LUC7L3: variants seen among roughly 807,000 people sequenced by gnomAD.
The protein encoded by LUC7L3 is LUC7 like 3 pre-mRNA splicing factor, also known as luc7-like protein 3.
In LUC7L3, 6 loss-of-function variants were observed where a neutral mutation model predicts 66.8. The ratio of observed to expected loss-of-function variants is 0.09; its 90% CI spans 0.05 to 0.18. The LOEUF is 0.18. Ranked by LOEUF, LUC7L3 falls within the 10% of genes least tolerant of loss-of-function variation. The pLI, the probability that LUC7L3 is intolerant of heterozygous loss-of-function variation, is 1.00. For missense variants in LUC7L3, 341 were observed against 531.1 expected, an observed-to-expected ratio of 0.64 and a Z score of 3.52; for synonymous variants, 160 against 174.7, an observed-to-expected ratio of 0.92 and a Z score of 0.66.
At position 50,741,740 on chromosome 17, in the gene LUC7L3, TG is replaced by T; in HGVS notation, c.426+10del. The T allele has an allele frequency of 6.2e-7, 1 of 1,604,156 alleles. No individual in the cohort carries two copies. Among genetic ancestry groups the T allele is most frequent in the Non-Finnish European group, 8.5e-7 (1 of 1,171,600 alleles). The stretch of plus-strand genomic sequence containing the variant: ...ATGTACTTCTGCAACAGGTGAGAAT[TG>T]TGTGCATTAATGTCAGGAAGTAATG... On this transcript the variant is annotated intron_variant, in intron 5 of 9. Transcript: ENST00000505658.
At chr17:50,745,322 C>A (rs1377845277) in intron 7 of LUC7L3, among the ~76,000 whole-genome samples, 1 of 152,152 alleles carries the variant, frequency 6.6e-6, no homozygotes, top group Non-Finnish European at 1.5e-5. Context: ...TTAAAAAAAT[C>A]TATTTTAGCT....
intron 8 of LUC7L3, among the ~76,000 whole-genome samples, chr17:50,746,303 T>G (rs1258307743): frequency 6.6e-6 from 1 of 152,240 alleles, no homozygotes; most frequent in Non-Finnish European, 1.5e-5. Flanking sequence ...TCAGCCATAC[T>G]GTTTTAATTA....
In LUC7L3 at chr17:50,750,627, A is replaced by G. The variant is rs773038346; in HGVS notation, c.1265A>G (p.Asp422Gly). The change falls in exon 10 of 10, where the codon GAC (aspartate) becomes GGC (glycine). Residue 422 changes from aspartate (D) to glycine (G), a missense_variant. By Grantham distance (94) the Asp-to-Gly change is moderately conservative. Around this residue, in one of 6 missense-constraint regions of LUC7L3, gnomAD observed 210 missense variants for 238.1 expected, o/e 0.88. Transcript: ENST00000505658. ...AATGAGGTCAATGGGACCAGTGAAGACATTAAATCTGAAGGTGACACTCAG... is the reference window on the plus strand; with the variant it reads ...AATGAGGTCAATGGGACCAGTGAAGGCATTAAATCTGAAGGTGACACTCAG... Reference protein sequence around the residue: ...TKNEVNGTSEDIKSEGDTQSN With the variant: ...TKNEVNGTSEGIKSEGDTQSN The G allele has an allele frequency of 1.5e-5, 25 of 1,613,984 alleles. No homozygotes were observed. In the Admixed American group the frequency reaches 3.2e-4, roughly 20 times the overall value.
chr17:50,747,622 T>C (rs72839277), intron 9 of LUC7L3, among the ~76,000 whole-genome samples: 1 of 152,126 alleles, frequency 6.6e-6, no homozygotes, highest in African/African-American at 2.4e-5. Flanking sequence ...GTCTTTTGTG[T>C]GTTGTTTGTT....
At chr17:50,735,796 C>T (rs1969946662) in intron 1 of LUC7L3, among the ~76,000 whole-genome samples, 1 of 152,248 alleles carries the variant, frequency 6.6e-6, no homozygotes, top group Admixed American at 6.5e-5. Flanking sequence ...CCATGCCTGA[C>T]CAACGCTGCC....
intron 2 of LUC7L3, among the ~76,000 whole-genome samples, chr17:50,739,172 C>T (rs1250820569): frequency 1.3e-5 from 2 of 152,052 alleles, no homozygotes; most frequent in Non-Finnish European, 1.5e-5. Flanking sequence ...TCATCTACTA[C>T]AGAGCAGAAA....
chr17:50,743,893 CTG>C, intron 6 of LUC7L3, 83 bp downstream of exon 6: 1 of 1,018,692 alleles, frequency 9.8e-7, no homozygotes, highest in East Asian at 2.4e-5. Flanking sequence ...CCTTTGAAAA[CTG>C]ATGTTCCAAA....
intron 2 of LUC7L3, chr17:50,738,260 A>T: frequency 2.7e-6 from 1 of 370,634 alleles, no homozygotes; most frequent in South Asian, 2.1e-5. Context: ...CCTATGATAA[A>T]GCCCATTCAT....
At chr17:50,735,717 C>G (rs1009958769) in intron 1 of LUC7L3, among the ~76,000 whole-genome samples, 8 of 152,112 alleles carry the variant, frequency 5.3e-5, no homozygotes, top group African/African-American at 1.9e-4. Context: ...AAGCCGGTCT[C>G]AAATTCCTGG....
chr17:50,732,860 C>T (rs1283250434), intron 1 of LUC7L3, among the ~76,000 whole-genome samples: 1 of 152,014 alleles, frequency 6.6e-6, no homozygotes, highest in African/African-American at 2.4e-5. Context: ...TCTCAACCTC[C>T]CAAAGTGCTG....
chr17:50,728,304 G>A (rs921806065), intron 1 of LUC7L3, among the ~76,000 whole-genome samples: 17 of 152,108 alleles, frequency 1.1e-4, no homozygotes, highest in African/African-American at 2.9e-4. Context: ...AAAGGTATAC[G>A]TAATAAAATT....
rs769318512 is a variant in LUC7L3, at chr17:50,719,706, T to C, written c.-27T>C. The C allele has an allele frequency of 5.7e-6, 9 of 1,590,306 alleles. No homozygotes were observed. In the Admixed American group the frequency reaches 1.2e-4, roughly 21 times the overall value. ...TTTCGTTGGCGGGTGCCTGGGCTGGTGGGAACAGCCGCCCGAAGGAAGCAC... is the reference window on the plus strand; with the variant it reads ...TTTCGTTGGCGGGTGCCTGGGCTGGCGGGAACAGCCGCCCGAAGGAAGCAC... On this transcript the variant is annotated 5_prime_UTR_variant, in exon 1 of 10. Coordinates refer to ENST00000505658, the MANE Select transcript of LUC7L3 (RefSeq NM_016424.5).
At chr17:50,731,591 AAAG>A (rs1420074793) in intron 1 of LUC7L3, among the ~76,000 whole-genome samples, 1 of 152,234 alleles carries the variant, frequency 6.6e-6, no homozygotes, top group African/African-American at 2.4e-5. Flanking sequence ...GGGAGAGTTA[AAAG>A]AAGCAGTCCA....
intron 1 of LUC7L3, among the ~76,000 whole-genome samples, chr17:50,721,341 T>G (rs1192860478): frequency 6.6e-6 from 1 of 152,208 alleles, no homozygotes; most frequent in African/African-American, 2.4e-5. Context: ...AGAAACTGTT[T>G]TCTTTCCCGG....
chr17:50,720,288 G>A (rs1373549470), intron 1 of LUC7L3, among the ~76,000 whole-genome samples: 1 of 152,196 alleles, frequency 6.6e-6, no homozygotes, highest in Non-Finnish European at 1.5e-5. Context: ...GCTTATACGG[G>A]GAAATAGAAA....
chr17:50,737,932 T>G (rs905041950), intron 2 of LUC7L3, among the ~76,000 whole-genome samples: 4 of 152,166 alleles, frequency 2.6e-5, no homozygotes, highest in Admixed American at 2.0e-4. Context: ...ATAAAAGAAG[T>G]CAATTCATTA....
chr17:50,750,944 C>A lies in LUC7L3; in HGVS notation c.*283C>A. 2.0e-6 allele frequency: 3 copies of A among 1,514,776 alleles called. No individual in the cohort carries two copies. Among genetic ancestry groups the A allele is most frequent in the Non-Finnish European group, 2.6e-6 (3 of 1,137,034 alleles). The allele number at this position is 1,514,776 out of a possible 1,614,324, so 93.8% of individuals were successfully genotyped here. A position where few individuals can be genotyped will look rare whatever the true frequency, so the allele number is the denominator to read the frequency against. On this transcript the variant is annotated 3_prime_UTR_variant, in exon 10 of 10. Coordinates refer to ENST00000505658, the MANE Select transcript of LUC7L3 (RefSeq NM_016424.5). ...TTATCGCCCACATTTGTAATATAGT[C>A]GCCATTGAAAAGTTAATTATCCTTT...
rs763942641 is a variant in LUC7L3, at chr17:50,741,138, T to C, written c.243T>C (p.Tyr81=). ...EKSSRFMKVG[Y]ERDFLRYLQS... is the part of the protein sequence containing the mutation. ...GCTCTCGTTTCATGAAAGTTGGCTA[T>C]GAGAGAGATTTTTTGCGATACTTAC... Residue 81 remains tyrosine (Y), a synonymous_variant, in exon 4 of 10, where the codon TAT becomes TAC. Coordinates refer to ENST00000505658, the MANE Select transcript of LUC7L3 (RefSeq NM_016424.5). 2 of 1,614,164 alleles carry C rather than the reference T, an allele frequency of 1.2e-6. No homozygotes were observed. The highest frequency in any genetic ancestry group is 2.2e-5 in the East Asian group (1 of 44,880).
At chr17:50,750,444 C>T in intron 9 of LUC7L3, 57 bp from the exon 10 acceptor site, 1 of 1,498,282 alleles carries the variant, frequency 6.7e-7, no homozygotes, top group Non-Finnish European at 9.0e-7. Context: ...TTTTCAAAAT[C>T]ATGTCTTTAT....
Sources: allele counts gnomAD v4.1 joint callset (sites outside exome capture counted in the v4.1 genomes callset), GRCh38; gene constraint gnomAD v4.1.1; regional missense constraint gnomAD v4.1.1; transcripts MANE v1.5; gene names NCBI Gene and HGNC (gene_info 2026-07-23, HGNC 2026-07-21).